The following TCF4 variants were observed in gnomAD, a reference collection of about 807,000 sequenced individuals.
TCF4 encodes the protein SL3-3 enhancer factor 2.
TCF4 carries 3 observed loss-of-function variants against 82.1 expected under a neutral mutation model. The ratio of observed to expected loss-of-function variants is 0.04; its 90% CI spans 0.02 to 0.09. TCF4 has a LOEUF of 0.09. TCF4 is among the 10% of genes least tolerant of loss of function. The probability of loss-of-function intolerance (pLI) is 1.00; values close to 1 mark genes in which losing one functional copy is unlikely to be tolerated. For synonymous variants in TCF4, 276 were observed against 309.6 expected (o/e 0.89, Z 1.14); for missense variants, 518 against 852.7 (o/e 0.61, Z 4.89).
intron 5 of TCF4, 90 bp from the exon 6 acceptor site, chr18:55,403,608 G>A (rs780591313): frequency 2.0e-5 from 32 of 1,612,018 alleles, no homozygotes; most frequent in Middle Eastern, 1.6e-4. Context: ...GCTCTTCCCC[G>A]ATGTTTACAT....
intron 8 of TCF4, among the ~76,000 whole-genome samples, chr18:55,346,412 T>TA (rs2081195035): frequency 6.6e-6 from 1 of 152,166 alleles, no homozygotes; most frequent in Non-Finnish European, 1.5e-5. Context: ...TCTGACCACT[T>TA]AAAGTTTGCC....
chr18:55,323,949 C>T (rs1406472864), intron 8 of TCF4, among the ~76,000 whole-genome samples: 1 of 152,196 alleles, frequency 6.6e-6, no homozygotes. Flanking sequence ...ATTTTGCAAA[C>T]ATATAAATGC....
chr18:55,537,886 G>A (rs992609388), intron 3 of TCF4, among the ~76,000 whole-genome samples: 2 of 152,118 alleles, frequency 1.3e-5, no homozygotes, highest in African/African-American at 4.8e-5. Flanking sequence ...ATGCACCCAG[G>A]AAGGATAAAT....
chr18:55,504,157 T>C (rs1389084465), intron 3 of TCF4, among the ~76,000 whole-genome samples: 1 of 152,196 alleles, frequency 6.6e-6, no homozygotes, highest in Admixed American at 6.5e-5. Flanking sequence ...CACTTACTGA[T>C]CATCTATCAG....
intron 8 of TCF4, chr18:55,321,824 A>G (rs2075566148): frequency 6.7e-7 from 1 of 1,500,134 alleles, no homozygotes; most frequent in South Asian, 1.3e-5. Context: ...CAATTCCTTC[A>G]GTTGCATTTT....
rs532283736 is a variant in TCF4 at position 55,350,753 on chromosome 18, C to A, written c.499+121G>T. The A allele has an allele frequency of 7.5e-6, 11 of 1,460,610 alleles. No homozygotes were observed. In the African/African-American group the frequency reaches 1.6e-4, roughly 21 times the overall value. 90.5% of individuals were successfully genotyped at this position (1,460,610 alleles called of 1,614,324 possible). On this transcript the variant is annotated intron_variant, in intron 7 of 19. Coordinates refer to ENST00000354452, the MANE Select transcript of TCF4 (RefSeq NM_001083962.2). ...GGAAGTCTCCAGGCTGACAACTGAG[C>A]CAAATTTTATGGTTTTCTTGGGGTG... is the stretch of plus-strand genomic sequence containing the variant.
intron 5 of TCF4, among the ~76,000 whole-genome samples, chr18:55,408,400 C>G (rs2094195156): frequency 6.6e-6 from 1 of 152,076 alleles, no homozygotes; most frequent in Non-Finnish European, 1.5e-5. Flanking sequence ...ATTTCTGTCC[C>G]CATCCCCAGT....
chr18:55,507,758 A>C (rs1183117197), intron 3 of TCF4, among the ~76,000 whole-genome samples: 1 of 152,166 alleles, frequency 6.6e-6, no homozygotes, highest in East Asian at 1.9e-4. Flanking sequence ...TTGGGTGTGG[A>C]TTGGGGAGAA....
intron 2 of TCF4, among the ~76,000 whole-genome samples, chr18:55,622,810 A>T (rs2097722740): frequency 6.6e-6 from 1 of 151,962 alleles, no homozygotes; most frequent in Non-Finnish European, 1.5e-5. Context: ...GACAAATAGG[A>T]ATTTCACAGA....
At chr18:55,628,059 AAAAC>A (rs372535354) in intron 2 of TCF4, among the ~76,000 whole-genome samples, 2,027 of 152,270 alleles carry the variant, frequency 0.013, 21 homozygotes, top group Non-Finnish European at 0.022. Context: ...GACTGTCTAA[AAAAC>A]AAACAAACAA....
chr18:55,521,378 C>T (rs1357703153), intron 3 of TCF4, among the ~76,000 whole-genome samples: 1 of 152,150 alleles, frequency 6.6e-6, no homozygotes, highest in Admixed American at 6.5e-5. Flanking sequence ...ATTTACATTT[C>T]ATGCACTGCA....
chr18:55,480,296 A>AAAGGGGGGG (rs1568175293), intron 3 of TCF4, among the ~76,000 whole-genome samples: 2 of 63,356 alleles, frequency 3.2e-5, no homozygotes, highest in African/African-American at 6.0e-5. Context: ...AAAAAAAAAA[A>AAAGGGGGGG]GCGGGGGGGC....
intron 8 of TCF4, among the ~76,000 whole-genome samples, chr18:55,327,521 C>T (rs34285397): frequency 0.023 from 3,544 of 151,872 alleles, 56 homozygotes; most frequent in Non-Finnish European, 0.037. Flanking sequence ...TAGTGACTTC[C>T]TATGTTATCT....
intron 15 of TCF4, among the ~76,000 whole-genome samples, chr18:55,249,477 TC>T (rs1461334417): frequency 5.9e-5 from 9 of 151,986 alleles, no homozygotes; most frequent in Admixed American, 1.3e-4. Context: ...TGCACATGAC[TC>T]CCCCATCCCT....
chr18:55,540,749 T>C (rs1484360659), intron 3 of TCF4, among the ~76,000 whole-genome samples: 1 of 152,066 alleles, frequency 6.6e-6, no homozygotes, highest in Non-Finnish European at 1.5e-5. Flanking sequence ...GCATAACTTT[T>C]ATTTCACAAA....
At chr18:55,401,591 A>G (rs934649441) in intron 6 of TCF4, 6 of 391,506 alleles carry the variant, frequency 1.5e-5, no homozygotes, top group South Asian at 2.1e-4. Flanking sequence ...TTGTGTTTGG[A>G]AAAAAAAAAA....
At chr18:55,569,051 A>C (rs1174120823) in intron 3 of TCF4, among the ~76,000 whole-genome samples, 1 of 152,182 alleles carries the variant, frequency 6.6e-6, no homozygotes, top group Non-Finnish European at 1.5e-5. Flanking sequence ...GTTCATGATA[A>C]AAACTCTTCA....
intron 3 of TCF4, among the ~76,000 whole-genome samples, chr18:55,499,540 C>T (rs2096673916): frequency 6.6e-6 from 1 of 152,170 alleles, no homozygotes; most frequent in Non-Finnish European, 1.5e-5. Flanking sequence ...AGTACTCTAA[C>T]TTGACTGTAC....
intron 6 of TCF4, among the ~76,000 whole-genome samples, chr18:55,396,101 G>C (rs2093474079): frequency 6.6e-6 from 1 of 152,134 alleles, no homozygotes; most frequent in African/African-American, 2.4e-5. Flanking sequence ...GAATCGACCA[G>C]ACAGGGTTTT....
Sources: allele counts gnomAD v4.1 joint callset (sites outside exome capture counted in the v4.1 genomes callset), GRCh38; gene constraint gnomAD v4.1.1; transcripts MANE v1.5; gene names NCBI Gene and HGNC (gene_info 2026-07-23, HGNC 2026-07-21).